The following CDKAL1 variants were observed in gnomAD, a reference collection of about 807,000 sequenced individuals.
The protein encoded by CDKAL1 is threonylcarbamoyladenosine tRNA methylthiotransferase.
Under a neutral mutation model 68.2 loss-of-function variants are expected in CDKAL1, and 32 were observed. That is an observed-to-expected ratio of 0.47 (90% confidence interval 0.35 to 0.63). CDKAL1 has a LOEUF of 0.63. Ranked by LOEUF, CDKAL1 falls within the 30% of genes least tolerant of loss-of-function variation. The probability of loss-of-function intolerance (pLI) is 0.00; values close to 1 mark genes in which losing one functional copy is unlikely to be tolerated. For missense variants in CDKAL1, 606 were observed against 696.7 expected, an observed-to-expected ratio of 0.87 and a Z score of 1.47; for synonymous variants, 234 against 244.3, an observed-to-expected ratio of 0.96 and a Z score of 0.39.
rs187578490 is a variant in CDKAL1 at position 20,981,407 on chromosome 6, C to T, written c.910-18820C>T. On this transcript the variant is annotated intron_variant, in intron 10 of 15. Coordinates refer to ENST00000274695, the MANE Select transcript of CDKAL1 (RefSeq NM_017774.3). ...TTATTTCATCTGGAATGCGTTCTTG[C>T]ACTTTCTGAGACTAAGTCTTAGATA... Among the ~76,000 whole-genome samples, 4 of 152,266 alleles carry T rather than the reference C, an allele frequency of 2.6e-5. No individual in the cohort carries two copies. The South Asian group carries it at 6.2e-4, about 24-fold the overall frequency.
chr6:20,851,265 C>T (rs575281880), intron 9 of CDKAL1, among the ~76,000 whole-genome samples: 3 of 152,246 alleles, frequency 2.0e-5, no homozygotes, highest in South Asian at 2.1e-4. Flanking sequence ...GGGTTTGACA[C>T]GGTTGCATTT....
At chr6:20,602,038 A>G (rs1766123110) in intron 4 of CDKAL1, among the ~76,000 whole-genome samples, 1 of 152,194 alleles carries the variant, frequency 6.6e-6, no homozygotes, top group Non-Finnish European at 1.5e-5. Flanking sequence ...TAACATTGAG[A>G]ACTTGCTGTG....
At chr6:20,633,641 A>G (rs1207889352) in intron 4 of CDKAL1, among the ~76,000 whole-genome samples, 2 of 152,182 alleles carry the variant, frequency 1.3e-5, no homozygotes, top group Non-Finnish European at 2.9e-5. Flanking sequence ...ACCATTTTAC[A>G]TTTTGATTAG....
intron 11 of CDKAL1, among the ~76,000 whole-genome samples, chr6:21,052,117 C>G (rs1236201535): frequency 6.6e-6 from 1 of 152,004 alleles, no homozygotes; most frequent in Non-Finnish European, 1.5e-5. Context: ...TTTAATAAAA[C>G]TATGAGAATA....
At chr6:20,823,968 C>T (rs1323014131) in intron 8 of CDKAL1, among the ~76,000 whole-genome samples, 3 of 152,042 alleles carry the variant, frequency 2.0e-5, no homozygotes, top group Non-Finnish European at 1.5e-5. Context: ...GTCACAACCA[C>T]CACTGGTGGA....
chr6:21,067,971 T>C (rs1263163831), intron 12 of CDKAL1, among the ~76,000 whole-genome samples: 2 of 152,198 alleles, frequency 1.3e-5, no homozygotes, highest in East Asian at 3.9e-4. Flanking sequence ...TGAGTGTCTT[T>C]TATATGTTTA....
At chr6:20,876,694 A>G (rs1423116574) in intron 9 of CDKAL1, among the ~76,000 whole-genome samples, 1 of 152,202 alleles carries the variant, frequency 6.6e-6, no homozygotes, top group African/African-American at 2.4e-5. Context: ...GCCACTTGTA[A>G]CAGGCAGGCG....
intron 2 of CDKAL1, among the ~76,000 whole-genome samples, chr6:20,541,360 G>T (rs181803566): frequency 6.6e-6 from 1 of 152,272 alleles, no homozygotes; most frequent in African/African-American, 2.4e-5. Flanking sequence ...AATAATGTCA[G>T]TATGGTTCTT....
At chr6:21,080,052 A>G (rs1446034587) in intron 12 of CDKAL1, among the ~76,000 whole-genome samples, 1 of 144,066 alleles carries the variant, frequency 6.9e-6, no homozygotes, top group Admixed American at 7.1e-5. Context: ...CATTTGAAGA[A>G]GCTGGAGCCC....
In CDKAL1 at chr6:20,560,488, A is replaced by G. The variant is rs574853486; in HGVS notation, c.286+11783A>G. On this transcript the variant is annotated intron_variant, in intron 4 of 15. Transcript: ENST00000274695. Reference sequence around the variant, plus strand: ...TGTTGTCCTCTTTGTCCATAGGAGCATATGAAGGTGGGAGTTTTTGAATTT... The same window carrying G: ...TGTTGTCCTCTTTGTCCATAGGAGCGTATGAAGGTGGGAGTTTTTGAATTT... Among the ~76,000 whole-genome samples, 10 of 152,310 alleles carry G rather than the reference A, an allele frequency of 6.6e-5. No individual in the cohort carries two copies. In the East Asian group the frequency reaches 1.5e-3, roughly 24 times the overall value.
At chr6:20,581,017 G>A (rs1305311253) in intron 4 of CDKAL1, among the ~76,000 whole-genome samples, 1 of 152,130 alleles carries the variant, frequency 6.6e-6, no homozygotes, top group African/African-American at 2.4e-5. Flanking sequence ...TCGAACTCCC[G>A]ACCTCAGGTG....
At chr6:20,576,607 A>ATT (rs1426103035) in intron 4 of CDKAL1, among the ~76,000 whole-genome samples, 1 of 152,194 alleles carries the variant, frequency 6.6e-6, no homozygotes, top group Non-Finnish European at 1.5e-5. Flanking sequence ...TGGGTAATGC[A>ATT]TTTATTTGTG....
chr6:20,828,719 T>C (rs1581658375), intron 8 of CDKAL1, among the ~76,000 whole-genome samples: 1 of 152,208 alleles, frequency 6.6e-6, no homozygotes, highest in Non-Finnish European at 1.5e-5. Context: ...AAAGTTGACC[T>C]TTTTAACTAT....
chr6:20,863,495 C>T (rs1417957986), intron 9 of CDKAL1, among the ~76,000 whole-genome samples: 1 of 152,144 alleles, frequency 6.6e-6, no homozygotes, highest in Non-Finnish European at 1.5e-5. Flanking sequence ...TGCATGCATG[C>T]CTCTATGATT....
chr6:20,593,400 A>G (rs1359191137), intron 4 of CDKAL1, among the ~76,000 whole-genome samples: 1 of 151,862 alleles, frequency 6.6e-6, no homozygotes, highest in Non-Finnish European at 1.5e-5. Flanking sequence ...TAGTCTTGGG[A>G]GGGTGTATGT....
chr6:20,640,455 A>T (rs1287201906), intron 4 of CDKAL1, among the ~76,000 whole-genome samples: 4 of 152,226 alleles, frequency 2.6e-5, no homozygotes, highest in Admixed American at 2.0e-4. Context: ...GCAGATTCGT[A>T]GTTGTGAGAG....
At chr6:21,226,435 AG>A (rs1779746567) in intron 15 of CDKAL1, among the ~76,000 whole-genome samples, 1 of 152,238 alleles carries the variant, frequency 6.6e-6, no homozygotes, top group African/African-American at 2.4e-5. Flanking sequence ...AAATTAATCA[AG>A]GGAGCAGTGA....
intron 15 of CDKAL1, among the ~76,000 whole-genome samples, chr6:21,205,133 C>T (rs1043769773): frequency 1.3e-5 from 2 of 152,206 alleles, no homozygotes; most frequent in Non-Finnish European, 1.5e-5. Flanking sequence ...TCAGAATTTT[C>T]CTCCTTTTCA....
At chr6:20,609,937 C>T (rs1766544100) in intron 4 of CDKAL1, among the ~76,000 whole-genome samples, 1 of 152,130 alleles carries the variant, frequency 6.6e-6, no homozygotes, top group Non-Finnish European at 1.5e-5. Flanking sequence ...TCCTGCCCTC[C>T]ATCCTCTAAT....
Sources: gnomAD v4.1 joint callset for allele counts (sites outside exome capture counted in the v4.1 genomes callset) on GRCh38, gnomAD v4.1.1 for gene constraint, MANE v1.5 for transcripts, NCBI Gene and HGNC (gene_info 2026-07-23, HGNC 2026-07-21) for gene names.